Variants in VAV1 observed in about 807,000 individuals in gnomAD.
VAV1 encodes the protein vav guanine nucleotide exchange factor 1, also known as proto-oncogene vav.
A neutral mutation model predicts 128.1 loss-of-function variants in VAV1; 33 were observed. The observed-to-expected ratio is 0.26, with a 90% CI of 0.20 to 0.34. The LOEUF (loss-of-function observed/expected upper bound fraction) is 0.34. Among genes scored for constraint, VAV1 ranks in the 10% least tolerant of loss-of-function variants. The probability of loss-of-function intolerance (pLI) is 1.00; values close to 1 mark genes in which losing one functional copy is unlikely to be tolerated. For synonymous variants in VAV1, 394 were observed against 409.8 expected (o/e 0.96, Z 0.47); for missense variants, 715 against 1,093.7 (o/e 0.65, Z 4.88).
At chr19:6,818,739 G>C (rs1331529303) in intron 1 of VAV1, among the ~76,000 whole-genome samples, 3 of 152,156 alleles carry the variant, frequency 2.0e-5, no homozygotes, top group Non-Finnish European at 4.4e-5. Flanking sequence ...GGCAGGGCAA[G>C]ACCACGTCAC....
Position 6,828,502 on chromosome 19 carries a change from G to C in VAV1, c.1092+15G>C. ...ATGCCATGAGGGTGAGTGGGTGTAG[G>C]GTGCTGGTGACTCACCTGCTGCAGA... is the stretch of plus-strand genomic sequence containing the variant. On this transcript the variant is annotated intron_variant, in intron 11 of 26. Coordinates refer to ENST00000602142, the MANE Select transcript of VAV1 (RefSeq NM_005428.4). This position sits in a 1 kb window ranked among gnomAD's most constrained non-coding sequence, Gnocchi z 4.5. 2 of 1,614,132 alleles carry C rather than the reference G, an allele frequency of 1.2e-6. No individual in the cohort carries two copies. The highest frequency in any genetic ancestry group is 1.7e-6 in the Non-Finnish European group (2 of 1,179,998).
At chr19:6,845,571 TATC>T (rs1317019264) in intron 22 of VAV1, among the ~76,000 whole-genome samples, 26 of 151,390 alleles carry the variant, frequency 1.7e-4, no homozygotes, top group Non-Finnish European at 2.7e-4. Context: ...AATTAATACT[TATC>T]ATTTATATTG....
chr19:6,857,153 C>T lies in VAV1; in HGVS notation c.*46C>T, dbSNP rs1441992484. 1.9e-6 allele frequency: 3 copies of T among 1,612,470 alleles called. No homozygotes were observed. The African/African-American group carries it at 4.0e-5, about 21-fold the overall frequency. On this transcript the variant is annotated 3_prime_UTR_variant, in exon 27 of 27. Coordinates refer to ENST00000602142, the MANE Select transcript of VAV1 (RefSeq NM_005428.4). ...AGACGAGAAACTCCAGGCTCTGAGC[C>T]CGGCGTGGGCAGGCAGCGGAGCCAG...
intron 24 of VAV1, 62 bp downstream of exon 24, chr19:6,850,819 T>C (rs1293091867): frequency 1.3e-6 from 2 of 1,560,694 alleles, no homozygotes; most frequent in East Asian, 4.5e-5. Flanking sequence ...TCCCTGCACC[T>C]CCGCCTTGGG....
At chr19:6,786,377 G>T (rs1033630663) in intron 1 of VAV1, among the ~76,000 whole-genome samples, 1 of 152,008 alleles carries the variant, frequency 6.6e-6, no homozygotes, top group East Asian at 1.9e-4. Context: ...TGGGAGGATC[G>T]CTTGAGCCCA....
chr19:6,779,029 G>GCCCA (rs1970706371), intron 1 of VAV1, among the ~76,000 whole-genome samples: 17 of 106,138 alleles, frequency 1.6e-4, no homozygotes, highest in South Asian at 6.1e-4. Context: ...GGTGTGCACC[G>GCCCA]GCATACCTGG....
At chr19:6,843,363 G>T (rs1972427366) in intron 22 of VAV1, among the ~76,000 whole-genome samples, 197 bp downstream of exon 22, 1 of 152,138 alleles carries the variant, frequency 6.6e-6, no homozygotes, top group Non-Finnish European at 1.5e-5. Context: ...GGAGATGATG[G>T]TCTTGTTGGA....
intron 1 of VAV1, chr19:6,816,483 T>C (rs1043779741): frequency 7.4e-6 from 1 of 134,306 alleles, no homozygotes; most frequent in Non-Finnish European, 1.6e-5. Flanking sequence ...TGAGAGCATC[T>C]CTCTCTCGCT....
intron 1 of VAV1, among the ~76,000 whole-genome samples, chr19:6,812,830 A>AATG (rs150696527): frequency 5.4e-4 from 82 of 151,552 alleles, no homozygotes; most frequent in Middle Eastern, 3.4e-3. Flanking sequence ...TGGTGGTGAT[A>AATG]ATGATGATGA....
chr19:6,796,079 G>A (rs1001635484), intron 1 of VAV1, among the ~76,000 whole-genome samples: 1 of 152,290 alleles, frequency 6.6e-6, no homozygotes, highest in African/African-American at 2.4e-5. Flanking sequence ...CTTGCTGCCT[G>A]TTAGAGATAT....
At chr19:6,800,884 C>T (rs1268729939) in intron 1 of VAV1, among the ~76,000 whole-genome samples, 10 of 152,254 alleles carry the variant, frequency 6.6e-5, no homozygotes, top group East Asian at 1.9e-4. Context: ...GCCTCAGCCT[C>T]CCAAAGTGCT....
intron 15 of VAV1, 99 bp downstream of exon 15, chr19:6,832,299 G>C (rs1568309380): frequency 5.3e-6 from 6 of 1,133,270 alleles, no homozygotes; most frequent in Middle Eastern, 2.0e-4. Flanking sequence ...CATGCCATGG[G>C]ACCACTCTGA....
chr19:6,775,643 C>T (rs571426819), intron 1 of VAV1, among the ~76,000 whole-genome samples: 1 of 152,304 alleles, frequency 6.6e-6, no homozygotes, highest in South Asian at 2.1e-4. Flanking sequence ...ATTCCTGCCC[C>T]TACCCATTTT....
At chr19:6,852,176 G>A (rs574605704) in intron 24 of VAV1, among the ~76,000 whole-genome samples, 1 of 152,196 alleles carries the variant, frequency 6.6e-6, no homozygotes, top group South Asian at 2.1e-4. Flanking sequence ...GTCATGCCTG[G>A]CTAATTGTTT....
chr19:6,776,159 C>T (rs926069981), intron 1 of VAV1, among the ~76,000 whole-genome samples: 27 of 130,354 alleles, frequency 2.1e-4, no homozygotes, highest in African/African-American at 7.1e-4. Context: ...CATCTATCCA[C>T]CCATCCATCC....
At chr19:6,802,203 G>C (rs564114672) in intron 1 of VAV1, among the ~76,000 whole-genome samples, 5 of 152,154 alleles carry the variant, frequency 3.3e-5, no homozygotes, top group African/African-American at 1.2e-4. Context: ...GGTCGGGGAA[G>C]TGGGGAGGGA....
chr19:6,790,032 G>C lies in VAV1; in HGVS notation c.204+17021G>C, dbSNP rs577204121. Among the ~76,000 whole-genome samples the C allele has an allele frequency of 7.2e-5, 11 of 152,244 alleles. No homozygotes were observed. The East Asian group carries it at 2.1e-3, about 29-fold the overall frequency. The stretch of plus-strand genomic sequence containing the variant: ...CTCTACTAAAAATACAAAAAAATTA[G>C]CCGGCCATGGTGGCAGGCGCCTGTA... On this transcript the variant is annotated intron_variant, in intron 1 of 26. Transcript: ENST00000602142.
At chr19:6,784,461 T>C (rs535715157) in intron 1 of VAV1, among the ~76,000 whole-genome samples, 3 of 151,416 alleles carry the variant, frequency 2.0e-5, no homozygotes, top group Non-Finnish European at 4.4e-5. Context: ...GGGTCAGCAC[T>C]TGGCACCATC....
rs1258674650 is a variant in VAV1 at position 6,777,864 on chromosome 19, G to A, written c.204+4853G>A. Among the ~76,000 whole-genome samples, 3 of 152,116 alleles carry A rather than the reference G, an allele frequency of 2.0e-5. No homozygotes were observed. The highest frequency in any genetic ancestry group is 4.4e-5 in the Non-Finnish European group (3 of 68,018). ...CTCCCAGGATGGAGTGCAGTGGCAT[G>A]GTCCCAACTCACTGCAGCCTCCACC... On this transcript the variant is annotated intron_variant, in intron 1 of 26. Coordinates refer to ENST00000602142, the MANE Select transcript of VAV1 (RefSeq NM_005428.4). The surrounding 1 kb of genome is among the most constrained non-coding windows in gnomAD (Gnocchi z 4.4).
Sources: allele counts gnomAD v4.1 joint callset (sites outside exome capture counted in the v4.1 genomes callset), GRCh38; gene constraint gnomAD v4.1.1; non-coding constraint Gnocchi (gnomAD v3.1); transcripts MANE v1.5; gene names NCBI Gene and HGNC (gene_info 2026-07-23, HGNC 2026-07-21).